DNAJB6: variants seen among roughly 807,000 people sequenced by gnomAD.
DNAJB6 encodes the protein DnaJ heat shock protein family (Hsp40) member B6.
Under a neutral mutation model 42.7 loss-of-function variants are expected in DNAJB6, and 16 were observed. That is an observed-to-expected ratio of 0.37 (90% CI 0.25 to 0.57). DNAJB6 has a LOEUF of 0.57. DNAJB6 is among the 20% of genes least tolerant of loss of function. The probability of loss-of-function intolerance (pLI) is 0.74; values close to 1 mark genes in which losing one functional copy is unlikely to be tolerated. For missense variants in DNAJB6, 347 were observed against 416.8 expected (o/e 0.83, Z 1.46); for synonymous variants, 170 against 163.5 (o/e 1.04, Z -0.30).
chr7:157,364,355 A>G (rs954312470), intron 3 of DNAJB6, among the ~76,000 whole-genome samples: 9 of 152,318 alleles, frequency 5.9e-5, no homozygotes, highest in Admixed American at 5.9e-4. Context: ...TTTTACTTCA[A>G]AAAATATGAA....
intron 8 of DNAJB6, among the ~76,000 whole-genome samples, chr7:157,391,221 G>A (rs1475728821): frequency 6.6e-6 from 1 of 152,192 alleles, no homozygotes; most frequent in Non-Finnish European, 1.5e-5. Context: ...TCAGGGAACT[G>A]TGGAGTTTGC....
chr7:157,409,727 C>A, intron 8 of DNAJB6, 68 bp from the exon 9 acceptor site: 1 of 1,446,640 alleles, frequency 6.9e-7, no homozygotes, highest in Non-Finnish European at 9.1e-7. Flanking sequence ...GCTTCCCTCC[C>A]TCTGCTCTGG....
In DNAJB6 at chr7:157,383,611, T is replaced by TTGTGTGTGTG. The variant is rs57002445; in HGVS notation, c.479-1233_479-1224dup. 2.2e-3 allele frequency among the ~76,000 whole-genome samples: 329 copies of TTGTGTGTGTG among 149,676 alleles called. 1 individual carries two copies. Among genetic ancestry groups the TTGTGTGTGTG allele is most frequent in the African/African-American group, 4.8e-3 (194 of 40,628 alleles). On this transcript the variant is annotated intron_variant, in intron 6 of 9. Transcript: ENST00000262177. The stretch of plus-strand genomic sequence containing the variant: ...TAATCAGTGGCTCCTGTATGTGTGT[T>TTGTGTGTGTG]TGTGTGTGTGTGTGTGTGTGTGTGT...
intron 3 of DNAJB6, 74 bp from the exon 4 acceptor site, chr7:157,366,427 TG>T: frequency 7.5e-7 from 1 of 1,339,252 alleles, no homozygotes; most frequent in Non-Finnish European, 1.1e-6. Context: ...GATTTACAAC[TG>T]GGGAAATACC....
intron 8 of DNAJB6, among the ~76,000 whole-genome samples, chr7:157,398,140 G>A (rs1281167568): frequency 1.3e-5 from 2 of 152,256 alleles, no homozygotes; most frequent in African/African-American, 4.8e-5. Flanking sequence ...TGTATCTGCA[G>A]AGTGCAGACA....
rs571690599 is a variant in DNAJB6, at chr7:157,370,060, GTTA to G, written c.346+2584_346+2586del. Among the ~76,000 whole-genome samples the G allele has an allele frequency of 1.0e-4, 13 of 124,364 alleles. No individual in the cohort carries two copies. The South Asian group carries it at 3.5e-3, about 33-fold the overall frequency. 81.6% of individuals were successfully genotyped at this position (124,364 alleles called of 152,430 possible). On this transcript the variant is annotated intron_variant, in intron 5 of 9. Transcript: ENST00000262177. ...TATTATTAAACAGGTCTTTCATAAC[GTTA>G]TTATTAAACGGGCCCCTTCTTAACA...
At chr7:157,361,803 C>G (rs962821276) in intron 2 of DNAJB6, among the ~76,000 whole-genome samples, 1 of 152,214 alleles carries the variant, frequency 6.6e-6, no homozygotes, top group Non-Finnish European at 1.5e-5. Flanking sequence ...GAGGCTCGCT[C>G]TGTCACCTAG....
chr7:157,408,657 T>C (rs1795856632), intron 8 of DNAJB6, among the ~76,000 whole-genome samples: 1 of 152,246 alleles, frequency 6.6e-6, no homozygotes, highest in African/African-American at 2.4e-5. Flanking sequence ...TGAGCCACAT[T>C]TGAGCTCCTG....
intron 5 of DNAJB6, among the ~76,000 whole-genome samples, chr7:157,376,768 C>G (rs761818152): frequency 1.6e-4 from 25 of 152,290 alleles, no homozygotes; most frequent in African/African-American, 5.8e-4. Flanking sequence ...GTAATCCCAG[C>G]TACTTGGGAG....
chr7:157,376,844 C>T (rs1800500285), intron 5 of DNAJB6, among the ~76,000 whole-genome samples: 1 of 152,190 alleles, frequency 6.6e-6, no homozygotes, highest in African/African-American at 2.4e-5. Context: ...CGCGCCACTA[C>T]ACTCCAGCCT....
chr7:157,343,343 A>G (rs1289372859), intron 1 of DNAJB6, among the ~76,000 whole-genome samples: 1 of 152,046 alleles, frequency 6.6e-6, no homozygotes, highest in Non-Finnish European at 1.5e-5. Context: ...TATTTTTAGT[A>G]GAGAAAGGGG....
chr7:157,362,585 G>T (rs557501901), intron 2 of DNAJB6, among the ~76,000 whole-genome samples: 1 of 152,072 alleles, frequency 6.6e-6, no homozygotes, highest in South Asian at 2.1e-4. Flanking sequence ...TGTTGGCCAG[G>T]CTGGTCTCGA....
rs570983426 is a variant in DNAJB6 at position 157,357,336 on chromosome 7, C to T, written c.-26-1211C>T. Among the ~76,000 whole-genome samples the T allele has an allele frequency of 1.5e-4, 21 of 137,718 alleles. 3 individuals are homozygous for T. The highest frequency in any genetic ancestry group is 5.6e-4 in the African/African-American group (21 of 37,250). The allele number at this position is 137,718 out of a possible 152,430, so 90.3% of individuals were successfully genotyped here. On this transcript the variant is annotated intron_variant, in intron 1 of 9. Coordinates refer to ENST00000262177, the MANE Select transcript of DNAJB6 (RefSeq NM_058246.4). ...CTTCCTTCCTTCCTCGTTCCGTCGC[C>T]CGGGCTGGAGTCCGGTGGCATGGGC... is the stretch of plus-strand genomic sequence containing the variant.
intron 1 of DNAJB6, among the ~76,000 whole-genome samples, chr7:157,358,201 G>A (rs1799405065): frequency 6.6e-6 from 1 of 152,204 alleles, no homozygotes; most frequent in South Asian, 2.1e-4. Context: ...GACGTTCCCT[G>A]AGCACAGACC....
intron 1 of DNAJB6, among the ~76,000 whole-genome samples, chr7:157,341,618 C>T (rs916082687): frequency 6.6e-6 from 1 of 152,164 alleles, no homozygotes; most frequent in South Asian, 2.1e-4. Context: ...TGCTTATGAA[C>T]TGTGTACTAA....
chr7:157,406,947 G>T (rs1795791347), intron 8 of DNAJB6, among the ~76,000 whole-genome samples: 1 of 152,206 alleles, frequency 6.6e-6, no homozygotes, highest in South Asian at 2.1e-4. Flanking sequence ...TTGAGGGCGG[G>T]AAGCCCTGGT....
chr7:157,373,863 G>T (rs931484601), intron 5 of DNAJB6, among the ~76,000 whole-genome samples: 2 of 152,088 alleles, frequency 1.3e-5, no homozygotes, highest in Non-Finnish European at 2.9e-5. Context: ...AGAAGTTAAG[G>T]AGTCTTTTTA....
chr7:157,348,843 T>C (rs960903480), intron 1 of DNAJB6, among the ~76,000 whole-genome samples: 1 of 152,142 alleles, frequency 6.6e-6, no homozygotes. Flanking sequence ...ACTTGCTGCG[T>C]CCCACATGGG....
chr7:157,358,332 G>A (rs564601699), intron 1 of DNAJB6, among the ~76,000 whole-genome samples: 16 of 152,162 alleles, frequency 1.1e-4, no homozygotes, highest in African/African-American at 3.1e-4. Context: ...TTTTTTCCCC[G>A]TCTCTAGAAG....
Sources: gnomAD v4.1 joint callset for allele counts (sites outside exome capture counted in the v4.1 genomes callset) on GRCh38, gnomAD v4.1.1 for gene constraint, MANE v1.5 for transcripts, NCBI Gene and HGNC (gene_info 2026-07-23, HGNC 2026-07-21) for gene names.